EMC1: variants seen among roughly 807,000 people sequenced by gnomAD.
EMC1 encodes KIAA0090.
EMC1 carries 103 observed loss-of-function variants against 128.8 expected under a neutral mutation model. The ratio of observed to expected loss-of-function variants is 0.80; its 90% CI spans 0.68 to 0.94. The LOEUF is 0.94. EMC1 is among the 40% of genes least tolerant of loss of function. The pLI, the probability that EMC1 is intolerant of heterozygous loss-of-function variation, is 0.00. For synonymous variants in EMC1, 442 were observed against 490.4 expected (o/e 0.90, Z 1.30); for missense variants, 1,083 against 1,250.6 (o/e 0.87, Z 2.02).
In EMC1 at chr1:19,218,561, C is replaced by T. The variant is rs1303356994; in HGVS notation, c.*742G>A. 1 of 152,106 alleles carries T rather than the reference C, an allele frequency of 6.6e-6. No homozygotes were observed. Among genetic ancestry groups the T allele is most frequent in the African/African-American group, 2.4e-5 (1 of 41,416 alleles). 9.4% of individuals were successfully genotyped at this position (152,106 alleles called of 1,614,324 possible). The stretch of plus-strand genomic sequence containing the variant: ...ACAATTCAGTAGTTTTTAAAAGGCC[C>T]CAACTCACACATCTCAGGTGAAAAG... On this transcript the variant is annotated 3_prime_UTR_variant, in exon 23 of 23. Coordinates refer to ENST00000477853, the MANE Select transcript of EMC1 (RefSeq NM_015047.3).
chr1:19,221,147 C>G (rs2093428232), intron 20 of EMC1: 1 of 226,698 alleles, frequency 4.4e-6, no homozygotes, highest in Admixed American at 5.4e-5. Context: ...TTCCTCATGC[C>G]TCTCCCCGGG....
intron 13 of EMC1, 55 bp downstream of exon 13, chr1:19,235,075 A>G: frequency 6.3e-7 from 1 of 1,590,050 alleles, no homozygotes; most frequent in Non-Finnish European, 8.6e-7. Flanking sequence ...TCTTGTGGTC[A>G]TTTCCAGACT....
At position 19,218,506 on chromosome 1, in the gene EMC1, CT is replaced by C. The variant is rs1181615135; in HGVS notation, c.*796del. ...CTGTGGGTGAAATGAGAGATTATCT[CT>C]TCTCCCTGGAAATGTCTTCAAGGCT... On this transcript the variant is annotated 3_prime_UTR_variant, in exon 23 of 23. Coordinates refer to ENST00000477853, the MANE Select transcript of EMC1 (RefSeq NM_015047.3). 6.6e-6 allele frequency: 1 copy of C among 152,178 alleles called. No individual in the cohort carries two copies. Among genetic ancestry groups the C allele is most frequent in the Non-Finnish European group, 1.5e-5 (1 of 68,032 alleles). 9.4% of individuals were successfully genotyped at this position (152,178 alleles called of 1,614,324 possible). A position where few individuals can be genotyped will look rare whatever the true frequency, so the allele number is the denominator to read the frequency against.
intron 1 of EMC1, among the ~76,000 whole-genome samples, chr1:19,247,542 G>A (rs60663952): frequency 0.28 from 41,996 of 152,066 alleles, 6,486 homozygotes; most frequent in East Asian, 0.6. Flanking sequence ...TGAAGGTGGT[G>A]TAAACAAACC....
intron 1 of EMC1, among the ~76,000 whole-genome samples, chr1:19,250,252 TAAAC>T (rs2093652224): frequency 7.7e-6 from 1 of 129,472 alleles, no homozygotes; most frequent in Non-Finnish European, 1.6e-5. Context: ...AAAAAAGTCT[TAAAC>T]AGAGTCCTTT....
intron 17 of EMC1, among the ~76,000 whole-genome samples, chr1:19,230,614 CAG>C (rs1558098903): frequency 1.3e-5 from 2 of 152,070 alleles, no homozygotes; most frequent in Admixed American, 6.6e-5. Context: ...TCCACAAGGG[CAG>C]AGATTTGTTC....
intron 21 of EMC1, chr1:19,220,204 G>A (rs554569027): frequency 6.1e-6 from 1 of 163,640 alleles, no homozygotes; most frequent in South Asian, 1.7e-4. Flanking sequence ...AACCCGACAA[G>A]ATGGTGGTTG....
intron 18 of EMC1, among the ~76,000 whole-genome samples, chr1:19,223,937 T>G (rs1385273831): frequency 6.6e-6 from 1 of 152,134 alleles, no homozygotes; most frequent in African/African-American, 2.4e-5. Flanking sequence ...AATGCTGCAG[T>G]GATATTTTTC....
intron 18 of EMC1, among the ~76,000 whole-genome samples, chr1:19,226,245 T>C (rs1395635760): frequency 6.6e-6 from 1 of 152,058 alleles, no homozygotes; most frequent in Non-Finnish European, 1.5e-5. Flanking sequence ...CTAACTAGAG[T>C]GTTGGATCAC....
intron 18 of EMC1, among the ~76,000 whole-genome samples, chr1:19,225,660 G>C (rs1012878684): frequency 2.0e-5 from 3 of 151,480 alleles, no homozygotes; most frequent in Non-Finnish European, 1.5e-5. Flanking sequence ...AAAAAGAAAA[G>C]AAAGAAAAGA....
At chr1:19,250,850 G>T (rs1158295868) in intron 1 of EMC1, among the ~76,000 whole-genome samples, 2 of 152,138 alleles carry the variant, frequency 1.3e-5, no homozygotes, top group Non-Finnish European at 2.9e-5. Flanking sequence ...GCTACTCCAG[G>T]GCCTTAAGGA....
intron 7 of EMC1, 80 bp downstream of exon 7, chr1:19,240,217 C>A (rs910724458): frequency 4.5e-6 from 7 of 1,558,454 alleles, no homozygotes; most frequent in African/African-American, 1.4e-5. Context: ...AGGAGAAAGA[C>A]CCTCCAGGGG....
At chr1:19,231,073 A>C in intron 16 of EMC1, 110 bp from the exon 17 acceptor site, 1 of 1,449,036 alleles carries the variant, frequency 6.9e-7, no homozygotes, top group Non-Finnish European at 9.5e-7. Flanking sequence ...TAGGGTTTAC[A>C]TTCAGTTCTG....
intron 4 of EMC1, among the ~76,000 whole-genome samples, chr1:19,243,191 C>T (rs1288967507): frequency 6.6e-6 from 1 of 152,182 alleles, no homozygotes; most frequent in Non-Finnish European, 1.5e-5. Flanking sequence ...GCCAAGATCA[C>T]ACCACTGCAC....
At chr1:19,244,037 C>T (rs1408255005) in intron 2 of EMC1, 22 bp from the exon 3 acceptor site, 2 of 1,613,504 alleles carry the variant, frequency 1.2e-6, no homozygotes, top group Admixed American at 1.7e-5. Context: ...GAAAGTTAGA[C>T]ATTACTATGA....
rs2093485197 is a variant in EMC1 at position 19,227,564 on chromosome 1, G to C, written c.2065-114C>G. On this transcript the variant is annotated intron_variant, in intron 17 of 22. Transcript: ENST00000477853. ...TGAGGCCTTTGTGCAGGAAGGAATA[G>C]AGATCAGAACTAGAAAAATGAGCCA... 6 of 1,288,882 alleles carry C rather than the reference G, an allele frequency of 4.7e-6. No individual in the cohort carries two copies. In the South Asian group the frequency reaches 6.9e-5, roughly 15 times the overall value. 79.8% of individuals were successfully genotyped at this position (1,288,882 alleles called of 1,614,324 possible).
intron 13 of EMC1, among the ~76,000 whole-genome samples, chr1:19,233,915 A>C (rs1023347029): frequency 6.6e-6 from 1 of 152,234 alleles, no homozygotes; most frequent in Non-Finnish European, 1.5e-5. Context: ...CGATGTACAT[A>C]AAGGATTTAG....
In EMC1 at chr1:19,244,889, G is replaced by C; in HGVS notation, c.220+17C>G. ...ATCCCTGAGGCAGCCAGTAGACACA[G>C]TTCTCAGTTCACTCACAGATCTCCC... is the stretch of plus-strand genomic sequence containing the variant. On this transcript the variant is annotated intron_variant, in intron 2 of 22. Transcript: ENST00000477853. 1 of 1,613,112 alleles carries C rather than the reference G, an allele frequency of 6.2e-7. No individual in the cohort carries two copies. The highest frequency in any genetic ancestry group is 1.1e-5 in the South Asian group (1 of 91,058).
intron 22 of EMC1, 40 bp from the exon 23 acceptor site, chr1:19,219,522 C>A (rs368493850): frequency 1.9e-6 from 3 of 1,613,764 alleles, no homozygotes. Context: ...AAGAAACAAC[C>A]AATGATCCAC....
Sources: gnomAD v4.1 joint callset for allele counts (sites outside exome capture counted in the v4.1 genomes callset) on GRCh38, gnomAD v4.1.1 for gene constraint, MANE v1.5 for transcripts, NCBI Gene and HGNC (gene_info 2026-07-23, HGNC 2026-07-21) for gene names.